The following DCP2 variants were observed in gnomAD, a reference collection of about 807,000 sequenced individuals.
The protein encoded by DCP2 is decapping mRNA 2.
DCP2 carries 30 observed loss-of-function variants against 56.1 expected under a neutral mutation model. The observed-to-expected ratio is 0.53, with a 90% CI of 0.40 to 0.73. The LOEUF is 0.73. Among genes scored for constraint, DCP2 ranks in the 30% least tolerant of loss-of-function variants. The pLI is 0.00. For synonymous variants in DCP2, 197 were observed against 163.3 expected, an observed-to-expected ratio of 1.21 and a Z score of -1.57; for missense variants, 533 against 502.7, an observed-to-expected ratio of 1.06 and a Z score of -0.58.
chr5:113,005,194 T>G (rs991727850), intron 8 of DCP2, among the ~76,000 whole-genome samples: 8 of 148,874 alleles, frequency 5.4e-5, no homozygotes, highest in Non-Finnish European at 1.0e-4. Flanking sequence ...AAAATTAAAC[T>G]TTTGTGCTTC....
chr5:113,001,811 T>C (rs763238041), intron 7 of DCP2, 137 bp downstream of exon 7: 11 of 792,506 alleles, frequency 1.4e-5, no homozygotes, highest in East Asian at 2.7e-5. Flanking sequence ...TCACAGATAA[T>C]AGAAGATTTT....
At chr5:113,004,885 T>G (rs1749344588) in intron 8 of DCP2, among the ~76,000 whole-genome samples, 1 of 151,746 alleles carries the variant, frequency 6.6e-6, no homozygotes. Flanking sequence ...CCCAGCACTT[T>G]GGGAGGCGAG....
rs916427744 is a variant in DCP2 at position 112,992,598 on chromosome 5, A to C, written c.334-74A>C. ...TAACAGTTACCTCAAGTAAGGAGAAAAATGCCTTTGATTTTTAGAAAGGAG... is the reference window on the plus strand; with the variant it reads ...TAACAGTTACCTCAAGTAAGGAGAACAATGCCTTTGATTTTTAGAAAGGAG... On this transcript the variant is annotated intron_variant, in intron 3 of 10. Transcript: ENST00000389063. The C allele has an allele frequency of 7.2e-6, 8 of 1,112,736 alleles. No homozygotes were observed. In the East Asian group the frequency reaches 7.9e-5, roughly 11 times the overall value. The allele number at this position is 1,112,736 out of a possible 1,614,324, so 68.9% of individuals were successfully genotyped here. A position where few individuals can be genotyped will look rare whatever the true frequency, so the allele number is the denominator to read the frequency against.
intron 4 of DCP2, among the ~76,000 whole-genome samples, chr5:112,997,067 A>G (rs557822780): frequency 6.6e-6 from 1 of 152,202 alleles, no homozygotes; most frequent in African/African-American, 2.4e-5. Flanking sequence ...TTATCATGCT[A>G]ACTGAAACTG....
chr5:112,998,939 C>T (rs1304647844), intron 4 of DCP2, among the ~76,000 whole-genome samples: 2 of 152,364 alleles, frequency 1.3e-5, no homozygotes, highest in East Asian at 3.9e-4. Context: ...TTCATATTCA[C>T]ATTCACTAAT....
rs948630758 is a variant in DCP2, at chr5:113,015,741, T to C, written c.*2257T>C. The C allele has an allele frequency of 6.5e-6, 1 of 152,694 alleles. No homozygotes were observed. The highest frequency in any genetic ancestry group is 2.4e-5 in the African/African-American group (1 of 41,476). The allele number at this position is 152,694 out of a possible 1,614,324, so 9.5% of individuals were successfully genotyped here. The stretch of plus-strand genomic sequence containing the variant: ...CTATGCAGAAAATATTTAAGTTGGA[T>C]GTACTTGTTTTAGGTACATCTACTA... On this transcript the variant is annotated 3_prime_UTR_variant, in exon 11 of 11. Transcript: ENST00000389063.
At chr5:113,004,140 C>T in intron 8 of DCP2, 63 bp downstream of exon 8, 2 of 1,561,424 alleles carry the variant, frequency 1.3e-6, no homozygotes, top group Admixed American at 1.8e-5. Flanking sequence ...AAATTTTTCT[C>T]AATTGGAGAA....
chr5:112,994,163 C>CTTTTTT (rs771514208), intron 4 of DCP2, among the ~76,000 whole-genome samples: 27 of 75,148 alleles, frequency 3.6e-4, no homozygotes, highest in African/African-American at 1.1e-3. Context: ...TTTTTTCTTT[C>CTTTTTT]TTTTTTTTTT....
At chr5:113,009,070 C>A (rs1734192563) in intron 9 of DCP2, among the ~76,000 whole-genome samples, 1 of 152,178 alleles carries the variant, frequency 6.6e-6, no homozygotes, top group African/African-American at 2.4e-5. Context: ...TGGTCTCGAT[C>A]TCCAGACCTC....
At chr5:112,977,688 G>A (rs551447691) in intron 1 of DCP2, among the ~76,000 whole-genome samples, 2 of 152,134 alleles carry the variant, frequency 1.3e-5, no homozygotes, top group African/African-American at 4.8e-5. Context: ...GAAATTTTCT[G>A]CATTCTTCCC....
Position 113,001,154 on chromosome 5 carries a change from A to G in DCP2, c.503A>G (p.Asn168Ser), listed in dbSNP as rs374882349. 2.2e-5 allele frequency: 35 copies of G among 1,613,866 alleles called. No individual in the cohort carries two copies. Among genetic ancestry groups the G allele is most frequent in the East Asian group, 4.5e-5 (2 of 44,862 alleles). ...CKDDYIELRI[N>S]DQLARLYIIP... is the part of the protein sequence containing the mutation. ...GATGATTACATTGAACTTCGAATCA[A>G]TGACCAGCTTGCTCGTTTGTACATC... is the stretch of plus-strand genomic sequence containing the variant. The change falls in exon 5 of 11, where the codon AAT becomes AGT. Residue 168 changes from asparagine to serine, a missense_variant. Transcript: ENST00000389063.
At chr5:112,992,356 G>A in intron 3 of DCP2, 108 bp downstream of exon 3, 5 of 1,375,040 alleles carry the variant, frequency 3.6e-6, no homozygotes, top group Non-Finnish European at 4.9e-6. Context: ...AATATACTTA[G>A]ATTTTTAGTG....
At chr5:112,989,883 A>G (rs1748501038) in intron 2 of DCP2, among the ~76,000 whole-genome samples, 1 of 152,054 alleles carries the variant, frequency 6.6e-6, no homozygotes, top group South Asian at 2.1e-4. Context: ...GTAGAAATGA[A>G]TAGAAGAGAT....
At chr5:113,012,675 G>C (rs886941890) in intron 10 of DCP2, among the ~76,000 whole-genome samples, 5 of 151,542 alleles carry the variant, frequency 3.3e-5, no homozygotes, top group Non-Finnish European at 5.9e-5. Flanking sequence ...ACAGAGTCTT[G>C]CTGTGTCACC....
chr5:113,007,036 G>T (rs1231049148), intron 8 of DCP2, among the ~76,000 whole-genome samples: 3 of 152,034 alleles, frequency 2.0e-5, no homozygotes, highest in Non-Finnish European at 1.5e-5. Context: ...TGCTTGGGAG[G>T]CTGAGGCAGG....
rs573190886 is a variant in DCP2 at position 113,008,359 on chromosome 5, G to T, written c.1047+317G>T. On this transcript the variant is annotated intron_variant, in intron 9 of 10. Transcript: ENST00000389063. ...CCATGTTTTTCTAAATATTATTTCA[G>T]TGAGGGTAAAAGTTTGGGGGGATTT... The T allele has an allele frequency of 1.5e-5, 3 of 195,348 alleles. No homozygotes were observed. The South Asian group carries it at 5.5e-4, about 36-fold the overall frequency. The allele number at this position is 195,348 out of a possible 1,614,324, so 12.1% of individuals were successfully genotyped here.
Position 113,010,731 on chromosome 5 carries a change from GTGTGT to G in DCP2, c.1048-23_1048-19del. 1 of 1,475,210 alleles carries G rather than the reference GTGTGT, an allele frequency of 6.8e-7. No individual in the cohort carries two copies. The allele number at this position is 1,475,210 out of a possible 1,614,324, so 91.4% of individuals were successfully genotyped here. ...GTGACTGTGTTGTATGTGTGTGTGTGTGTGTTTTTTTTTTTTTTAAATAGAAGTGT... is the reference window on the plus strand; with the variant it reads ...GTGACTGTGTTGTATGTGTGTGTGTGTTTTTTTTTTTTTAAATAGAAGTGT... On this transcript the variant is annotated intron_variant, in intron 9 of 10. Transcript: ENST00000389063.
chr5:113,013,253 G>T (rs1335782968), intron 10 of DCP2, 68 bp from the exon 11 acceptor site: 3 of 1,495,924 alleles, frequency 2.0e-6, no homozygotes, highest in African/African-American at 2.8e-5. Context: ...GTAACAAAAG[G>T]CAAAGGGCAG....
chr5:112,985,743 G>T (rs1748251465), intron 1 of DCP2, 92 bp from the exon 2 acceptor site: 11 of 1,436,272 alleles, frequency 7.7e-6, no homozygotes, highest in Non-Finnish European at 9.5e-6. Flanking sequence ...CCTTTTCTCA[G>T]TTGGTGGGTC....
Sources: gnomAD v4.1 joint callset for allele counts (sites outside exome capture counted in the v4.1 genomes callset) on GRCh38, gnomAD v4.1.1 for gene constraint, MANE v1.5 for transcripts, NCBI Gene and HGNC (gene_info 2026-07-23, HGNC 2026-07-21) for gene names.